The following ENTREP2 variants were observed in gnomAD, a reference collection of about 807,000 sequenced individuals.
The protein encoded by ENTREP2 is endosomal transmembrane epsin interactor 2.
chr15:29,268,817 G>A, the ENTREP2 span: 82 of 1,612,070 alleles, frequency 5.1e-5, no homozygotes, highest in Non-Finnish European at 6.9e-5. Context: ...GGGCCACTAG[G>A]CTGAGGTCTG....
At chr15:29,457,585 C>A in the ENTREP2 span, among the ~76,000 whole-genome samples, 3 of 152,186 alleles carry the variant, frequency 2.0e-5, no homozygotes, top group African/African-American at 7.2e-5. Context: ...TTGGACAGAG[C>A]CTGTCCTGTC....
At chr15:29,622,455 G>A in the ENTREP2 span, among the ~76,000 whole-genome samples, 1 of 152,042 alleles carries the variant, frequency 6.6e-6, no homozygotes, top group Non-Finnish European at 1.5e-5. Context: ...TGACCTGCTG[G>A]CCTCGGCCTC....
At chr15:29,293,446 C>CG in the ENTREP2 span, among the ~76,000 whole-genome samples, 7 of 150,788 alleles carry the variant, frequency 4.6e-5, no homozygotes, top group Non-Finnish European at 1.0e-4. Context: ...TTAGTAGAGA[C>CG]AGGGTTTCAC....
At chr15:29,652,933 G>T in the ENTREP2 span, among the ~76,000 whole-genome samples, 24 of 152,288 alleles carry the variant, frequency 1.6e-4, no homozygotes, top group Middle Eastern at 3.4e-3. Context: ...GTCAGACAAA[G>T]GCACCACCAA....
chr15:29,652,889 G>A, the ENTREP2 span, among the ~76,000 whole-genome samples: 1 of 152,246 alleles, frequency 6.6e-6, no homozygotes, highest in African/African-American at 2.4e-5. Context: ...GCCAGGCTGA[G>A]TGGGAGGAAT....
the ENTREP2 span, among the ~76,000 whole-genome samples, chr15:29,644,994 A>G: frequency 6.6e-6 from 1 of 152,134 alleles, no homozygotes; most frequent in Admixed American, 6.5e-5. Flanking sequence ...AGGCAAGAAG[A>G]TTGCTTGAGC....
the ENTREP2 span, among the ~76,000 whole-genome samples, chr15:29,614,520 C>T: frequency 6.6e-6 from 1 of 152,198 alleles, no homozygotes; most frequent in Non-Finnish European, 1.5e-5. Flanking sequence ...AATGTCTCCT[C>T]TCTCTTTCCA....
At chr15:29,269,765 C>T in the ENTREP2 span, 8 of 1,385,114 alleles carry the variant, frequency 5.8e-6, no homozygotes, top group South Asian at 8.2e-5. Flanking sequence ...GCGGGGATTG[C>T]GGGTCGGCGA....
the ENTREP2 span, among the ~76,000 whole-genome samples, chr15:29,578,748 A>G: frequency 1.3e-5 from 2 of 152,368 alleles, no homozygotes; most frequent in African/African-American, 4.8e-5. Context: ...TGCACTTAGC[A>G]CAGTCCTAGC....
the ENTREP2 span, among the ~76,000 whole-genome samples, chr15:29,632,536 C>T: frequency 2.0e-5 from 3 of 152,154 alleles, no homozygotes; most frequent in African/African-American, 7.2e-5. Flanking sequence ...AATCCCAACA[C>T]TTTGGGAAGC....
chr15:29,612,203 T>C, the ENTREP2 span, among the ~76,000 whole-genome samples: 1 of 152,330 alleles, frequency 6.6e-6, no homozygotes, highest in African/African-American at 2.4e-5. Flanking sequence ...ACAGTCAGAA[T>C]ACTGGGCTTT....
chr15:29,499,542 ATTTT>A, the ENTREP2 span, among the ~76,000 whole-genome samples: 1 of 141,636 alleles, frequency 7.1e-6, no homozygotes, highest in Admixed American at 7.1e-5. Flanking sequence ...CACTAGGCTA[ATTTT>A]TTTTTTTTTT....
the ENTREP2 span, among the ~76,000 whole-genome samples, chr15:29,314,610 G>T: frequency 4.6e-5 from 7 of 152,134 alleles, no homozygotes; most frequent in Admixed American, 4.6e-4. Flanking sequence ...AGTTTTATAT[G>T]TACTGGGAAA....
the ENTREP2 span, among the ~76,000 whole-genome samples, chr15:29,257,887 A>G: frequency 1.3e-5 from 2 of 152,188 alleles, no homozygotes; most frequent in South Asian, 2.1e-4. Flanking sequence ...AGAGTCTGAC[A>G]GCATCCCTTG....
the ENTREP2 span, chr15:29,612,457 T>C: frequency 6.6e-6 from 1 of 150,706 alleles, no homozygotes; most frequent in Non-Finnish European, 1.5e-5. Context: ...CAAATCTTAT[T>C]CCTCCAGCCT....
the ENTREP2 span, among the ~76,000 whole-genome samples, chr15:29,377,650 T>C: frequency 6.6e-6 from 1 of 151,732 alleles, no homozygotes; most frequent in Non-Finnish European, 1.5e-5. Context: ...GGAGAAACCC[T>C]GTCTCTACTG....
the ENTREP2 span, among the ~76,000 whole-genome samples, chr15:29,344,775 A>C: frequency 6.6e-6 from 1 of 152,048 alleles, no homozygotes; most frequent in African/African-American, 2.4e-5. Context: ...GCGTCCACAG[A>C]GAGGCCTGAC....
the ENTREP2 span, among the ~76,000 whole-genome samples, chr15:29,657,487 G>A: frequency 4.0e-5 from 5 of 126,008 alleles, 1 homozygote; most frequent in Admixed American, 1.5e-4. Flanking sequence ...GGGGGGCGGG[G>A]GGGGGGGGTG....
chr15:29,190,359 TA>T, the ENTREP2 span, among the ~76,000 whole-genome samples: 151 of 140,110 alleles, frequency 1.1e-3, no homozygotes, highest in Middle Eastern at 7.1e-3. Flanking sequence ...GGTTCTCTGC[TA>T]AAAAAAAAAA....
Sources: allele counts gnomAD v4.1 joint callset (sites outside exome capture counted in the v4.1 genomes callset), GRCh38; gene constraint gnomAD v4.1.1; transcripts MANE v1.5; gene names NCBI Gene and HGNC (gene_info 2026-07-23, HGNC 2026-07-21).